The following ROBO1 variants were observed in gnomAD, a reference collection of about 807,000 sequenced individuals.
ROBO1 encodes the protein roundabout homolog 1.
Under a neutral mutation model 195.9 loss-of-function variants are expected in ROBO1, and 149 were observed. That is an observed-to-expected ratio of 0.76 (90% confidence interval 0.67 to 0.87). ROBO1 has a LOEUF of 0.87. Among genes scored for constraint, ROBO1 ranks in the 40% least tolerant of loss-of-function variants. ROBO1 has a pLI of 0.00. For missense variants in ROBO1, 1,933 were observed against 2,068.3 expected, an observed-to-expected ratio of 0.93 and a Z score of 1.27; for synonymous variants, 816 against 733.2, an observed-to-expected ratio of 1.11 and a Z score of -1.82.
intron 2 of ROBO1, among the ~76,000 whole-genome samples, chr3:79,469,812 A>G (rs966859739): frequency 3.3e-5 from 5 of 152,152 alleles, no homozygotes; most frequent in Admixed American, 3.3e-4. Flanking sequence ...CAACAATTTG[A>G]ACTAAGGACA....
rs1039450922 is a variant in ROBO1, at chr3:78,639,623, C to T, written c.3037+121G>A. On this transcript the variant is annotated intron_variant, in intron 22 of 30. Coordinates refer to ENST00000464233, the MANE Select transcript of ROBO1 (RefSeq NM_002941.4). ...TCAGGCTATTTTGCTAAACAATAGT[C>T]AGCATTGGATAAAATACGGGTCAAA... 3.8e-5 allele frequency: 35 copies of T among 913,488 alleles called. No individual in the cohort carries two copies. The African/African-American group carries it at 5.0e-4, about 13-fold the overall frequency. The allele number at this position is 913,488 out of a possible 1,614,324, so 56.6% of individuals were successfully genotyped here.
intron 8 of ROBO1, among the ~76,000 whole-genome samples, chr3:78,709,888 A>C (rs1371584939): frequency 1.3e-5 from 2 of 152,158 alleles, no homozygotes; most frequent in Non-Finnish European, 2.9e-5. Context: ...ATGTTCTTCC[A>C]TTTCAATAAC....
At chr3:78,952,962 G>A (rs2040863974) in intron 3 of ROBO1, among the ~76,000 whole-genome samples, 1 of 152,002 alleles carries the variant, frequency 6.6e-6, no homozygotes, top group Non-Finnish European at 1.5e-5. Flanking sequence ...TACCAAAATA[G>A]ACCAAAAGGA....
intron 2 of ROBO1, among the ~76,000 whole-genome samples, chr3:79,546,398 T>C (rs1217375547): frequency 6.6e-6 from 1 of 152,088 alleles, no homozygotes; most frequent in Non-Finnish European, 1.5e-5. Flanking sequence ...GTTCAAAGGT[T>C]AAATGTACAG....
intron 1 of ROBO1, among the ~76,000 whole-genome samples, chr3:79,696,920 T>C (rs1947465661): frequency 6.6e-6 from 1 of 151,484 alleles, no homozygotes; most frequent in African/African-American, 2.4e-5. Context: ...GTTTCTGGTT[T>C]CATTAAGGAA....
chr3:79,373,744 C>G (rs1214465721), intron 2 of ROBO1, among the ~76,000 whole-genome samples: 1 of 152,100 alleles, frequency 6.6e-6, no homozygotes, highest in Non-Finnish European at 1.5e-5. Context: ...ATTAACTTAC[C>G]TTTGAGCCTT....
chr3:79,151,802 T>C (rs1419167842), intron 2 of ROBO1, among the ~76,000 whole-genome samples: 1 of 151,714 alleles, frequency 6.6e-6, no homozygotes, highest in African/African-American at 2.4e-5. Context: ...CAAATAGCAT[T>C]CTCTTTTGTC....
rs915081719 is a variant in ROBO1 at position 79,089,605 on chromosome 3, T to G, written c.172+35851A>C. Among the ~76,000 whole-genome samples the G allele has an allele frequency of 2.0e-5, 3 of 152,180 alleles. No homozygotes were observed. In the East Asian group the frequency reaches 5.8e-4, roughly 29 times the overall value. ...AACACACATTTCATAACTTGATAATTATCAGCCTGTTTACCTAAAAATTGT... is the reference window on the plus strand; with the variant it reads ...AACACACATTTCATAACTTGATAATGATCAGCCTGTTTACCTAAAAATTGT... On this transcript the variant is annotated intron_variant, in intron 3 of 30. Transcript: ENST00000464233.
chr3:78,764,646 A>G (rs2083184166), intron 4 of ROBO1, among the ~76,000 whole-genome samples: 1 of 152,164 alleles, frequency 6.6e-6, no homozygotes, highest in Non-Finnish European at 1.5e-5. Flanking sequence ...ATATCCTTGT[A>G]TCAAGCATTA....
At chr3:79,675,379 G>A (rs1232092937) in intron 1 of ROBO1, among the ~76,000 whole-genome samples, 1 of 151,980 alleles carries the variant, frequency 6.6e-6, no homozygotes. Context: ...ATGGAGGAGG[G>A]AGCTCATATG....
At chr3:78,942,173 C>T (rs970785533) in intron 3 of ROBO1, among the ~76,000 whole-genome samples, 7 of 151,860 alleles carry the variant, frequency 4.6e-5, no homozygotes, top group Admixed American at 1.3e-4. Flanking sequence ...GTATGATGCA[C>T]GCCTGTAATC....
chr3:79,410,499 A>G (rs2037721930), intron 2 of ROBO1, among the ~76,000 whole-genome samples: 1 of 152,140 alleles, frequency 6.6e-6, no homozygotes, highest in African/African-American at 2.4e-5. Flanking sequence ...GGTCAGTAAG[A>G]CCAATCATTT....
chr3:79,223,831 G>A (rs541356303), intron 2 of ROBO1, among the ~76,000 whole-genome samples: 13 of 152,236 alleles, frequency 8.5e-5, no homozygotes, highest in South Asian at 4.1e-4. Flanking sequence ...TCGGTCTTAC[G>A]TAGATGACTC....
intron 2 of ROBO1, among the ~76,000 whole-genome samples, chr3:79,514,592 T>A (rs1054469016): frequency 6.6e-6 from 1 of 152,204 alleles, no homozygotes; most frequent in African/African-American, 2.4e-5. Context: ...TGTGAGTTTT[T>A]AATCCCTTTT....
rs1446811432 is a variant in ROBO1 at position 79,416,518 on chromosome 3, C to T, written c.88+173306G>A. On this transcript the variant is annotated intron_variant, in intron 2 of 30. Transcript: ENST00000464233. Reference sequence around the variant, plus strand: ...CACCTCTAGGGAGGCTGATGTGGGACGATTGTTTGAGCCCTAGGAGGTCAA... The same window carrying T: ...CACCTCTAGGGAGGCTGATGTGGGATGATTGTTTGAGCCCTAGGAGGTCAA... Among the ~76,000 whole-genome samples, 13 of 147,352 alleles carry T rather than the reference C, an allele frequency of 8.8e-5. No individual in the cohort carries two copies. The East Asian group carries it at 1.6e-3, about 18-fold the overall frequency.
rs1350947973 is a variant in ROBO1 at position 78,628,007 on chromosome 3, G to A, written c.3627-438C>T. Among the ~76,000 whole-genome samples the A allele has an allele frequency of 5.4e-5, 8 of 148,998 alleles. No homozygotes were observed. The South Asian group carries it at 1.1e-3, about 20-fold the overall frequency. On this transcript the variant is annotated intron_variant, in intron 25 of 30. Transcript: ENST00000464233. ...TCGCTCTTGTTGCCCAGGCTGGAGT[G>A]CAATGGCACAATCTCAGCTCAACGC...
At chr3:78,646,423 T>G (rs1212446450) in intron 20 of ROBO1, among the ~76,000 whole-genome samples, 1 of 150,564 alleles carries the variant, frequency 6.6e-6, no homozygotes, top group Non-Finnish European at 1.5e-5. Flanking sequence ...TAGATATCTA[T>G]ATATCACTCT....
chr3:79,394,351 AC>A (rs527253310), intron 2 of ROBO1, among the ~76,000 whole-genome samples: 8 of 152,098 alleles, frequency 5.3e-5, no homozygotes, highest in Non-Finnish European at 8.8e-5. Context: ...AGTCACTTAA[AC>A]GTCTTCAAAA....
chr3:79,556,488 C>T (rs897543276), intron 2 of ROBO1, among the ~76,000 whole-genome samples: 6 of 152,030 alleles, frequency 3.9e-5, no homozygotes, highest in African/African-American at 1.4e-4. Flanking sequence ...GTAATTTCCA[C>T]TCACCAAACT....
Sources: gnomAD v4.1 joint callset for allele counts (sites outside exome capture counted in the v4.1 genomes callset) on GRCh38, gnomAD v4.1.1 for gene constraint, MANE v1.5 for transcripts, NCBI Gene and HGNC (gene_info 2026-07-23, HGNC 2026-07-21) for gene names.